METTL15: variants seen among roughly 807,000 people sequenced by gnomAD.
METTL15 encodes the protein 12S rRNA N(4)-cytidine methyltransferase METTL15.
METTL15 carries 34 observed loss-of-function variants against 38.3 expected under a neutral mutation model. That is an observed-to-expected ratio of 0.89 (90% CI 0.68 to 1.18). METTL15 has a LOEUF of 1.18. METTL15 is among the 50% of genes most tolerant of loss of function. METTL15 has a pLI of 0.00. For missense variants in METTL15, 438 were observed against 498.4 expected, an observed-to-expected ratio of 0.88 and a Z score of 1.15; for synonymous variants, 162 against 170.9, an observed-to-expected ratio of 0.95 and a Z score of 0.41.
At chr11:28,321,658 T>C (rs781528239) in intron 6 of METTL15, among the ~76,000 whole-genome samples, 114 of 152,236 alleles carry the variant, frequency 7.5e-4, no homozygotes, top group African/African-American at 2.5e-3. Context: ...TTATATACTT[T>C]GATTCTAAAT....
intron 5 of METTL15, 106 bp downstream of exon 5, chr11:28,290,503 C>A: frequency 1.1e-6 from 1 of 900,698 alleles, no homozygotes; most frequent in Non-Finnish European, 1.7e-6. Context: ...CATGCCTACA[C>A]CTAACACTAC....
intron 6 of METTL15, among the ~76,000 whole-genome samples, chr11:28,489,320 C>A (rs1056245453): frequency 6.6e-5 from 10 of 152,110 alleles, no homozygotes; most frequent in African/African-American, 2.2e-4. Flanking sequence ...TTCAACAATT[C>A]TTTCTTCAAA....
intron 6 of METTL15, among the ~76,000 whole-genome samples, chr11:28,448,150 C>T (rs1354177268): frequency 6.6e-6 from 1 of 152,132 alleles, no homozygotes; most frequent in African/African-American, 2.4e-5. Flanking sequence ...TGGGTCCTCT[C>T]TTCTTATCTC....
intron 4 of METTL15, among the ~76,000 whole-genome samples, chr11:28,360,543 A>G (rs1334872848): frequency 6.6e-6 from 1 of 152,182 alleles, no homozygotes; most frequent in East Asian, 1.9e-4. Flanking sequence ...AGTCAGAGCT[A>G]CAGAAAGAAA....
intron 4 of METTL15, among the ~76,000 whole-genome samples, chr11:28,286,955 T>TC (rs1283502244): frequency 1.6e-4 from 24 of 151,208 alleles, no homozygotes; most frequent in African/African-American, 5.8e-4. Flanking sequence ...ACATGTATTC[T>TC]CCACACTATA....
rs1850080461 is a variant in METTL15 at position 28,151,291 on chromosome 11, A to G, written c.270+37687A>G. ...CCCTTCTTTAAAACATCATGTGCCC[A>G]CCTTCTCATCTCTTACCGTGCTGAC... On this transcript the variant is annotated intron_variant, in intron 3 of 6. Coordinates refer to ENST00000407364, the MANE Select transcript of METTL15 (RefSeq NM_001113528.2). Among the ~76,000 whole-genome samples, 2 of 151,892 alleles carry G rather than the reference A, an allele frequency of 1.3e-5. 1 individual carries two copies. The highest frequency in any genetic ancestry group is 3.9e-4 in the East Asian group (2 of 5,182).
intron 5 of METTL15, among the ~76,000 whole-genome samples, chr11:28,380,764 T>A (rs1284658445): frequency 6.6e-6 from 1 of 152,208 alleles, no homozygotes; most frequent in East Asian, 1.9e-4. Context: ...ATACAAATGT[T>A]CGTCTAGGAG....
intron 3 of METTL15, among the ~76,000 whole-genome samples, chr11:28,131,077 T>C (rs1329071651): frequency 6.6e-6 from 1 of 152,174 alleles, no homozygotes; most frequent in Non-Finnish European, 1.5e-5. Flanking sequence ...CCTCCCATTT[T>C]TTTTTTTTAA....
At chr11:28,124,981 G>A (rs543438521) in intron 3 of METTL15, among the ~76,000 whole-genome samples, 5 of 152,008 alleles carry the variant, frequency 3.3e-5, no homozygotes, top group South Asian at 4.2e-4. Context: ...TAAAATTACC[G>A]AAATAGTGAA....
At chr11:28,327,874 C>T (rs1055914946) in intron 6 of METTL15, 16 of 412,948 alleles carry the variant, frequency 3.9e-5, no homozygotes, top group Non-Finnish European at 6.8e-5. Context: ...AGCTTTCTGC[C>T]TTTCTATTTT....
chr11:28,147,863 T>A (rs942239219), intron 3 of METTL15, among the ~76,000 whole-genome samples: 1 of 151,920 alleles, frequency 6.6e-6, no homozygotes, highest in African/African-American at 2.4e-5. Context: ...AACTCTTTTT[T>A]ACTTACCTAG....
chr11:28,254,213 C>T (rs1854873863), intron 4 of METTL15, among the ~76,000 whole-genome samples: 1 of 152,092 alleles, frequency 6.6e-6, no homozygotes, highest in Non-Finnish European at 1.5e-5. Context: ...TTTTGATTTG[C>T]ACTTCTCTGA....
intron 6 of METTL15, among the ~76,000 whole-genome samples, chr11:28,492,520 CCACA>C (rs34573735): frequency 0.034 from 4,993 of 147,106 alleles, 254 homozygotes; most frequent in African/African-American, 0.12. Flanking sequence ...GCAACTGGAG[CCACA>C]CACACACACA....
At chr11:28,454,647 T>C (rs984489593) in intron 6 of METTL15, among the ~76,000 whole-genome samples, 1 of 152,212 alleles carries the variant, frequency 6.6e-6, no homozygotes, top group African/African-American at 2.4e-5. Context: ...CTCTTGGTTG[T>C]TGGAGTTAAC....
At chr11:28,522,618 A>G (rs1243322219) in intron 6 of METTL15, among the ~76,000 whole-genome samples, 1 of 152,228 alleles carries the variant, frequency 6.6e-6, no homozygotes, top group Non-Finnish European at 1.5e-5. Context: ...TCTGGACACT[A>G]TGGCCCAATC....
chr11:28,302,263 C>T (rs1323997472), intron 6 of METTL15, among the ~76,000 whole-genome samples: 5 of 152,056 alleles, frequency 3.3e-5, no homozygotes, highest in African/African-American at 7.2e-5. Context: ...AGTGCACATT[C>T]AATCAGAAAA....
chr11:28,402,304 C>G (rs1460230083), intron 5 of METTL15, among the ~76,000 whole-genome samples: 1 of 151,982 alleles, frequency 6.6e-6, no homozygotes, highest in East Asian at 1.9e-4. Context: ...AAACAGTCTC[C>G]TAGCTGATCC....
intron 4 of METTL15, among the ~76,000 whole-genome samples, chr11:28,229,471 C>T (rs1853603773): frequency 6.6e-6 from 1 of 151,902 alleles, no homozygotes; most frequent in African/African-American, 2.4e-5. Context: ...TGGTGTCTCC[C>T]CTAAATTCCT....
At chr11:28,183,797 C>G (rs1851388077) in intron 3 of METTL15, among the ~76,000 whole-genome samples, 1 of 152,016 alleles carries the variant, frequency 6.6e-6, no homozygotes, top group African/African-American at 2.4e-5. Flanking sequence ...AGGATTCCCT[C>G]TTTTTCTTTT....
Sources: allele counts gnomAD v4.1 joint callset (sites outside exome capture counted in the v4.1 genomes callset), GRCh38; gene constraint gnomAD v4.1.1; transcripts MANE v1.5; gene names NCBI Gene and HGNC (gene_info 2026-07-23, HGNC 2026-07-21).